The following GLYATL3 variants were observed in gnomAD, a reference collection of about 807,000 sequenced individuals.
GLYATL3 encodes glycine N-acyltransferase-like protein 3.
GLYATL3 carries 31 observed loss-of-function variants against 28.5 expected under a neutral mutation model. That is an observed-to-expected ratio of 1.09 (90% CI 0.82 to 1.47). The LOEUF is 1.47. Among genes scored for constraint, GLYATL3 ranks in the 40% most tolerant of loss-of-function variants. GLYATL3 has a pLI of 0.00. For synonymous variants in GLYATL3, 141 were observed against 140.2 expected (o/e 1.01, Z -0.04); for missense variants, 369 against 351.5 (o/e 1.05, Z -0.40).
intron 5 of GLYATL3, 89 bp from the exon 6 acceptor site, chr6:49,526,399 C>T: frequency 2.6e-6 from 3 of 1,139,066 alleles, no homozygotes; most frequent in Non-Finnish European, 3.8e-6. Context: ...GGCGACAGAG[C>T]AAGACTGTGT....
At chr6:49,523,002 C>T (rs1317494192) in intron 5 of GLYATL3, among the ~76,000 whole-genome samples, 1 of 151,844 alleles carries the variant, frequency 6.6e-6, no homozygotes, top group Non-Finnish European at 1.5e-5. Flanking sequence ...AAAAAACACC[C>T]ACTATACGGA....
chr6:49,510,046 A>ATTTATTTAT (rs373987217), intron 1 of GLYATL3, among the ~76,000 whole-genome samples: 33 of 86,462 alleles, frequency 3.8e-4, no homozygotes, highest in Non-Finnish European at 5.4e-4. Flanking sequence ...TTATTTATTT[A>ATTTATTTAT]TTTTTTTGAC....
At position 49,517,554 on chromosome 6, in the gene GLYATL3, A is replaced by T. The variant is rs1042987446; in HGVS notation, c.311A>T (p.Gln104Leu). ...AACTGGGACCAAGTTTTTCAAATAC[A>T]AGGTGAGGTCAAGTGCAAGACTTAT... ...VFNWDQVFQIQGLQSELYDVS... is the reference protein window; with the variant it reads ...VFNWDQVFQILGLQSELYDVS... The change falls in exon 4 of 6, where the codon CAA (glutamine) becomes CTA (leucine). Residue 104 changes from glutamine to leucine, a missense_variant and splice_region_variant. Transcript: ENST00000371197. The T allele has an allele frequency of 3.2e-6, 5 of 1,549,760 alleles. No homozygotes were observed. Among genetic ancestry groups the T allele is most frequent in the Non-Finnish European group, 4.4e-6 (5 of 1,145,840 alleles).
At position 49,502,876 on chromosome 6, in the gene GLYATL3, C is replaced by T. The variant is rs370863010; in HGVS notation, c.-29+2834C>T. On this transcript the variant is annotated intron_variant, in intron 1 of 5. Coordinates refer to ENST00000371197, the MANE Select transcript of GLYATL3 (RefSeq NM_001010904.2). Reference sequence around the variant, plus strand: ...GATTCCCAAGGCCTATGTAAGGCTACGGGAAGCCAAATACCTTCTCTGGCT... The same window carrying T: ...GATTCCCAAGGCCTATGTAAGGCTATGGGAAGCCAAATACCTTCTCTGGCT... 3.9e-4 allele frequency among the ~76,000 whole-genome samples: 60 copies of T among 152,192 alleles called. 1 individual carries two copies. The highest frequency in any genetic ancestry group is 1.0e-3 in the African/African-American group (43 of 41,546).
chr6:49,509,966 CTT>C (rs1769086894), intron 1 of GLYATL3, among the ~76,000 whole-genome samples: 1 of 141,164 alleles, frequency 7.1e-6, no homozygotes, highest in Non-Finnish European at 1.6e-5. Flanking sequence ...TTCTTTCTTT[CTT>C]TCTTTCTTTC....
At position 49,526,898 on chromosome 6, in the gene GLYATL3, G is replaced by A; in HGVS notation, c.851G>A (p.Gly284Asp). 1.3e-6 allele frequency: 2 copies of A among 1,533,438 alleles called. No homozygotes were observed. Among genetic ancestry groups the A allele is most frequent in the South Asian group, 2.4e-5 (2 of 82,192 alleles). 95.0% of individuals were successfully genotyped at this position (1,533,438 alleles called of 1,614,324 possible). Residue 284 changes from glycine to aspartate, a missense_variant, in exon 6 of 6, where the codon GGC (glycine) becomes GAC (aspartate). Transcript: ENST00000371197. Reference protein sequence around the residue: ...RLILTPATFSGLPHL With the variant: ...RLILTPATFSDLPHL ...ATTCTCACCCCTGCGACTTTCTCTGGCCTGCCTCACCTCTAGCCCAGTAAA... is the reference window on the plus strand; with the variant it reads ...ATTCTCACCCCTGCGACTTTCTCTGACCTGCCTCACCTCTAGCCCAGTAAA...
At chr6:49,509,085 A>C (rs2127431682) in intron 1 of GLYATL3, among the ~76,000 whole-genome samples, 1 of 152,240 alleles carries the variant, frequency 6.6e-6, no homozygotes, top group African/African-American at 2.4e-5. Flanking sequence ...GAGTGTAAGG[A>C]GGATAATTTT....
At chr6:49,521,514 G>C in intron 4 of GLYATL3, 131 bp from the exon 5 acceptor site, 1 of 668,342 alleles carries the variant, frequency 1.5e-6, no homozygotes, top group South Asian at 2.4e-5. Context: ...TAAGTATACA[G>C]TGGTTAGGAT....
At chr6:49,515,178 G>T (rs944821286) in intron 2 of GLYATL3, among the ~76,000 whole-genome samples, 1 of 152,126 alleles carries the variant, frequency 6.6e-6, no homozygotes, top group African/African-American at 2.4e-5. Flanking sequence ...ATGTCTAATT[G>T]TAATTTAGGG....
intron 1 of GLYATL3, among the ~76,000 whole-genome samples, chr6:49,509,770 A>T (rs1031298506): frequency 6.6e-6 from 1 of 152,206 alleles, no homozygotes; most frequent in African/African-American, 2.4e-5. Context: ...TAAATTTTCA[A>T]ATATGAAATT....
chr6:49,510,470 C>G (rs985463689), intron 1 of GLYATL3, among the ~76,000 whole-genome samples: 1 of 152,228 alleles, frequency 6.6e-6, no homozygotes, highest in African/African-American at 2.4e-5. Context: ...ATAAAAAGAT[C>G]TCTAGACATC....
intron 5 of GLYATL3, among the ~76,000 whole-genome samples, chr6:49,525,195 A>C (rs1424743143): frequency 6.6e-6 from 1 of 151,584 alleles, no homozygotes. Flanking sequence ...AAATAAAAGC[A>C]ATTCTGAGGG....
At chr6:49,515,875 C>T (rs1769206921) in intron 3 of GLYATL3, 115 bp downstream of exon 3, 2 of 616,526 alleles carry the variant, frequency 3.2e-6, no homozygotes, top group Non-Finnish European at 2.9e-6. Flanking sequence ...ACTGTTTCAC[C>T]ATTCATTTCT....
At chr6:49,524,620 T>C (rs1364148749) in intron 5 of GLYATL3, among the ~76,000 whole-genome samples, 1 of 152,128 alleles carries the variant, frequency 6.6e-6, no homozygotes, top group Non-Finnish European at 1.5e-5. Flanking sequence ...CCTATACAAA[T>C]ACTGCCAATG....
In GLYATL3 at chr6:49,518,647, A is replaced by G. The variant is rs538915435; in HGVS notation, c.313+1091A>G. Among the ~76,000 whole-genome samples, 115 of 152,310 alleles carry G rather than the reference A, an allele frequency of 7.6e-4. 1 individual carries two copies. The highest frequency in any genetic ancestry group is 1.0e-3 in the South Asian group (5 of 4,832). On this transcript the variant is annotated intron_variant, in intron 4 of 5. Coordinates refer to ENST00000371197, the MANE Select transcript of GLYATL3 (RefSeq NM_001010904.2). Reference sequence around the variant, plus strand: ...ACCCAAAGACTTCAGATGTCATATAAAATTTATTCGTAGTCAGGTGCGGTG... The same window carrying G: ...ACCCAAAGACTTCAGATGTCATATAGAATTTATTCGTAGTCAGGTGCGGTG...
chr6:49,507,084 G>A (rs1769023783), intron 1 of GLYATL3, among the ~76,000 whole-genome samples: 5 of 152,226 alleles, frequency 3.3e-5, no homozygotes, highest in Admixed American at 3.3e-4. Flanking sequence ...GAGGCAGAGG[G>A]TGGGGATCAT....
intron 3 of GLYATL3, among the ~76,000 whole-genome samples, chr6:49,517,013 G>A (rs965560292): frequency 6.6e-6 from 1 of 150,926 alleles, no homozygotes; most frequent in Non-Finnish European, 1.5e-5. Context: ...AAAAATAGCT[G>A]GGTGTGGTGG....
Position 49,517,456 on chromosome 6 carries a change from T to C in GLYATL3, c.213T>C (p.Tyr71=), listed in dbSNP as rs750210750. The change falls in exon 4 of 6, where the codon TAT becomes TAC. Residue 71 remains tyrosine, a synonymous_variant. Coordinates refer to ENST00000371197, the MANE Select transcript of GLYATL3 (RefSeq NM_001010904.2). ...CTGAGACAGATAACCTTGATCATTA[T>C]ACTAATGCCTATGCTGTGTTCTACA... The part of the protein sequence containing the change: ...REAETDNLDH[Y]TNAYAVFYKD... The C allele has an allele frequency of 2.2e-5, 34 of 1,546,224 alleles. No homozygotes were observed. In the South Asian group the frequency reaches 4.1e-4, roughly 19 times the overall value.
chr6:49,517,668 C>T, intron 4 of GLYATL3, 112 bp downstream of exon 4: 2 of 726,756 alleles, frequency 2.8e-6, no homozygotes, highest in Non-Finnish European at 4.3e-6. Context: ...TATCTATACA[C>T]ACCTGTATGT....
Sources: allele counts gnomAD v4.1 joint callset (sites outside exome capture counted in the v4.1 genomes callset), GRCh38; gene constraint gnomAD v4.1.1; transcripts MANE v1.5; gene names NCBI Gene and HGNC (gene_info 2026-07-23, HGNC 2026-07-21).